The following ROBO2 variants were observed in gnomAD, a reference collection of about 807,000 sequenced individuals.
ROBO2 encodes roundabout homolog 2.
A neutral mutation model predicts 160.8 loss-of-function variants in ROBO2; 53 were observed. The ratio of observed to expected loss-of-function variants is 0.33; its 90% CI spans 0.26 to 0.41. The LOEUF (loss-of-function observed/expected upper bound fraction) is 0.41, where lower values mean the gene tolerates loss of function less well. Among genes scored for constraint, ROBO2 ranks in the 10% least tolerant of loss-of-function variants. ROBO2 has a pLI of 1.00. For missense variants in ROBO2, 1,577 were observed against 1,722.4 expected (o/e 0.92, Z 1.49); for synonymous variants, 664 against 611.7 (o/e 1.09, Z -1.26).
At chr3:77,041,103 A>G (rs974241091) in intron 1 of ROBO2, among the ~76,000 whole-genome samples, 2 of 152,250 alleles carry the variant, frequency 1.3e-5, no homozygotes, top group African/African-American at 4.8e-5. Flanking sequence ...GAGTTGGATA[A>G]TAAATGATTG....
intron 5 of ROBO2, among the ~76,000 whole-genome samples, chr3:77,495,671 C>T (rs6797725): frequency 0.16 from 24,486 of 152,072 alleles, 2,098 homozygotes; most frequent in South Asian, 0.24. Context: ...GATTAGACTG[C>T]GTTTATAGGT....
intron 1 of ROBO2, among the ~76,000 whole-genome samples, chr3:77,071,897 C>T (rs745640616): frequency 6.6e-5 from 10 of 152,148 alleles, no homozygotes; most frequent in Admixed American, 1.3e-4. Flanking sequence ...CTTCTAGCTA[C>T]ACTGACATTA....
At chr3:77,125,395 T>C (rs1227409727) in intron 2 of ROBO2, among the ~76,000 whole-genome samples, 1 of 152,206 alleles carries the variant, frequency 6.6e-6, no homozygotes, top group African/African-American at 2.4e-5. Flanking sequence ...CTGTAGGTGT[T>C]TGTTTTGTTA....
At chr3:77,200,578 A>C (rs951203405) in intron 2 of ROBO2, among the ~76,000 whole-genome samples, 1 of 151,962 alleles carries the variant, frequency 6.6e-6, no homozygotes, top group Non-Finnish European at 1.5e-5. Context: ...TTTGTCTTGC[A>C]TAAAGACGAT....
chr3:76,499,421 T>A (rs1341975224), intron 2 of ROBO2, among the ~76,000 whole-genome samples: 2 of 152,212 alleles, frequency 1.3e-5, no homozygotes, highest in East Asian at 3.9e-4. Context: ...TCTATCCCAA[T>A]GTCCAACCTC....
chr3:76,242,483 C>T (rs889080235), intron 2 of ROBO2, among the ~76,000 whole-genome samples: 2 of 152,196 alleles, frequency 1.3e-5, no homozygotes, highest in Admixed American at 1.3e-4. Context: ...TAGTCTCTAG[C>T]TGAAGGCCAC....
At chr3:76,805,491 A>G (rs866369826) in intron 2 of ROBO2, among the ~76,000 whole-genome samples, 2 of 148,142 alleles carry the variant, frequency 1.4e-5, no homozygotes, top group Non-Finnish European at 3.0e-5. Flanking sequence ...TGTTCCCCCC[A>G]TATATATATA....
intron 2 of ROBO2, among the ~76,000 whole-genome samples, chr3:77,422,315 T>A (rs1424922130): frequency 6.6e-6 from 1 of 152,166 alleles, no homozygotes. Flanking sequence ...GTCCAGGGAA[T>A]CTTGCTTAGA....
chr3:75,982,463 A>G (rs2065306145), intron 2 of ROBO2, among the ~76,000 whole-genome samples: 1 of 151,532 alleles, frequency 6.6e-6, no homozygotes, highest in African/African-American at 2.4e-5. Flanking sequence ...AATAAAAGCC[A>G]TTTTAACTGG....
intron 2 of ROBO2, among the ~76,000 whole-genome samples, chr3:77,160,251 A>G (rs2078365676): frequency 6.6e-6 from 1 of 152,200 alleles, no homozygotes; most frequent in African/African-American, 2.4e-5. Flanking sequence ...CCAGTGAATA[A>G]AATACTTTAC....
intron 2 of ROBO2, among the ~76,000 whole-genome samples, chr3:77,375,599 A>G (rs2072523284): frequency 6.6e-6 from 1 of 152,180 alleles, no homozygotes; most frequent in Non-Finnish European, 1.5e-5. Flanking sequence ...CTTTACTATG[A>G]AACTATCTAA....
intron 2 of ROBO2, among the ~76,000 whole-genome samples, chr3:76,304,457 C>A (rs1272589062): frequency 6.6e-6 from 1 of 152,124 alleles, no homozygotes; most frequent in Admixed American, 6.5e-5. Flanking sequence ...GTGAATTGAT[C>A]TTTGGTCTTT....
At chr3:76,289,299 G>A (rs1365555506) in intron 2 of ROBO2, among the ~76,000 whole-genome samples, 1 of 152,138 alleles carries the variant, frequency 6.6e-6, no homozygotes, top group Non-Finnish European at 1.5e-5. Flanking sequence ...GTCTTCCTTT[G>A]AGACGTGTCT....
chr3:76,408,607 C>G (rs1231195848), intron 2 of ROBO2, among the ~76,000 whole-genome samples: 7 of 151,964 alleles, frequency 4.6e-5, no homozygotes, highest in African/African-American at 1.7e-4. Flanking sequence ...TTGCATACAT[C>G]AATGTGCAAA....
chr3:77,473,547 G>A (rs1407912623), intron 2 of ROBO2, among the ~76,000 whole-genome samples: 4 of 136,530 alleles, frequency 2.9e-5, no homozygotes, highest in African/African-American at 8.1e-5. Context: ...TCCGCCTCCC[G>A]GGTTCCTGCC....
At chr3:77,308,096 T>C (rs75697160) in intron 2 of ROBO2, among the ~76,000 whole-genome samples, 1 of 132,140 alleles carries the variant, frequency 7.6e-6, no homozygotes, top group East Asian at 2.0e-4. Flanking sequence ...AGATATTTCT[T>C]TTTTTTTTTT....
chr3:77,475,004 C>T (rs13080235), intron 2 of ROBO2, among the ~76,000 whole-genome samples: 54,491 of 151,880 alleles, frequency 0.36, 9,898 homozygotes, highest in East Asian at 0.47. Flanking sequence ...GATTTTACTC[C>T]TTTTTCTAAA....
At chr3:76,061,854 C>T (rs990348355) in intron 2 of ROBO2, among the ~76,000 whole-genome samples, 1 of 152,122 alleles carries the variant, frequency 6.6e-6, no homozygotes, top group Admixed American at 6.6e-5. Flanking sequence ...GGTCCATTTC[C>T]TTTCTTTTTC....
At chr3:77,475,918 A>T (rs1235433420) in intron 2 of ROBO2, among the ~76,000 whole-genome samples, 7 of 152,212 alleles carry the variant, frequency 4.6e-5, no homozygotes, top group Non-Finnish European at 1.5e-5. Flanking sequence ...TCACAGAGCT[A>T]AAATGGAACA....
Sources: gnomAD v4.1 joint callset for allele counts (sites outside exome capture counted in the v4.1 genomes callset) on GRCh38, gnomAD v4.1.1 for gene constraint, MANE v1.5 for transcripts, NCBI Gene and HGNC (gene_info 2026-07-23, HGNC 2026-07-21) for gene names.